Variants in PPP1R3F observed in about 807,000 individuals in gnomAD.
PPP1R3F encodes the protein protein phosphatase 1, regulatory (inhibitor) subunit 3F.
PPP1R3F carries 29 observed loss-of-function variants against 24.2 expected under a neutral mutation model. The observed-to-expected ratio is 1.20, with a 90% confidence interval of 0.89 to 1.63. The LOEUF is 1.63. Among genes scored for constraint, PPP1R3F ranks in the 40% most tolerant of loss-of-function variants. The pLI is 0.00. For missense variants in PPP1R3F, 823 were observed against 729.3 expected (o/e 1.13, Z -1.48); for synonymous variants, 363 against 340.1 (o/e 1.07, Z -0.74).
intron 3 of PPP1R3F, among the ~76,000 whole-genome samples, chrX:49,295,319 T>A (rs1475884082): frequency 9.0e-6 from 1 of 110,504 alleles, no homozygotes; most frequent in Non-Finnish European, 1.9e-5. Flanking sequence ...AATTTTTGTA[T>A]TTTTAGTAGA....
rs1053179627 is a variant in PPP1R3F at position 49,287,355 on chromosome X, T to G, written c.*265T>G. On this transcript the variant is annotated 3_prime_UTR_variant, in exon 4 of 4. Transcript: ENST00000055335. ...GCCTGTATTTATTTTTGTATAATTCTCTGGATGAGGGAGAGTGGTCGTGAG... is the reference window on the plus strand; with the variant it reads ...GCCTGTATTTATTTTTGTATAATTCGCTGGATGAGGGAGAGTGGTCGTGAG... 8.7e-6 allele frequency: 3 copies of G among 346,316 alleles called. No homozygotes were observed. The highest frequency in any genetic ancestry group is 8.0e-5 in the African/African-American group (3 of 37,523). 28.5% of individuals were successfully genotyped at this position (346,316 alleles called of 1,213,427 possible).
At chrX:49,296,283 A>C (rs1304976260) in intron 3 of PPP1R3F, among the ~76,000 whole-genome samples, 1 of 111,820 alleles carries the variant, frequency 8.9e-6, no homozygotes, top group African/African-American at 3.3e-5. Flanking sequence ...CATTTCTTCT[A>C]GATTTTCTAG....
chrX:49,280,588 T>C (rs2066242582), intron 1 of PPP1R3F, among the ~76,000 whole-genome samples: 1 of 93,882 alleles, frequency 1.1e-5, no homozygotes, highest in Non-Finnish European at 2.2e-5. Context: ...TCTTGTCCCC[T>C]AGGCTGGAGT....
At position 49,270,085 on chromosome X, in the gene PPP1R3F, TGGC is replaced by T. The variant is rs781904515; in HGVS notation, c.231_233del (p.Gly78del). On this transcript the variant is annotated inframe_deletion, in exon 1 of 4. Coordinates refer to ENST00000055335, the MANE Select transcript of PPP1R3F (RefSeq NM_033215.5). ...AGATGGCGGCGGCGGCCGGGCAAGA[TGGC>T]GGCGGCGGCGGCGGGGCCGACGAGG... 721 of 993,226 alleles carry T rather than the reference TGGC, an allele frequency of 7.3e-4. No homozygotes were observed. Among genetic ancestry groups the T allele is most frequent in the African/African-American group, 5.4e-3 (269 of 49,380 alleles). 81.9% of individuals were successfully genotyped at this position (993,226 alleles called of 1,213,427 possible). A position where few individuals can be genotyped will look rare whatever the true frequency, so the allele number is the denominator to read the frequency against.
At chrX:49,290,715 C>T (rs2066305995), downstream of PPP1R3F, among the ~76,000 whole-genome samples, 1 of 111,544 alleles carries the variant, frequency 9.0e-6, no homozygotes, top group African/African-American at 3.3e-5. Context: ...GACTAAATTG[C>T]CCAGGGTCAC....
At chrX:49,272,394 C>T (rs1379465216) in intron 1 of PPP1R3F, among the ~76,000 whole-genome samples, 1 of 112,694 alleles carries the variant, frequency 8.9e-6, no homozygotes, top group African/African-American at 3.2e-5. Context: ...CCTTGGCCAA[C>T]GCATTTAACT....
Position 49,270,492 on chromosome X carries a change from C to A in PPP1R3F, c.623C>A (p.Ala208Glu). 1 of 1,205,449 alleles carries A rather than the reference C, an allele frequency of 8.3e-7. No homozygotes were observed. Among genetic ancestry groups the A allele is most frequent in the South Asian group, 1.8e-5 (1 of 56,924 alleles). ...CCGCGCAGCCCGCCGTGGGCAGGAG[C>A]GGGAGGAACAGGAGCAGGAGATCCC... The part of the protein sequence containing the change: ...YVPRSPPWAG[A>E]GGTGAGDPIL... Residue 208 changes from alanine to glutamate, a missense_variant, in exon 1 of 4, where the codon GCG becomes GAG. Coordinates refer to ENST00000055335, the MANE Select transcript of PPP1R3F (RefSeq NM_033215.5).
At chrX:49,281,685 G>A (rs1312195489) in intron 2 of PPP1R3F, among the ~76,000 whole-genome samples, 3 of 108,721 alleles carry the variant, frequency 2.8e-5, no homozygotes, top group East Asian at 2.9e-4. Context: ...AAAAAAAGAC[G>A]GGCATGCTGG....
At chrX:49,281,366 G>C in intron 1 of PPP1R3F, 40 bp from the exon 2 acceptor site, 1 of 1,121,093 alleles carries the variant, frequency 8.9e-7, no homozygotes, top group Non-Finnish European at 1.2e-6. Flanking sequence ...GACCTCTCAG[G>C]GTATTATTAG....
In PPP1R3F at chrX:49,286,370, G is replaced by A; in HGVS notation, c.1680G>A (p.Leu560=). ...AEEITLHYAR[L]GRGVELIKDT... Reference sequence around the variant, plus strand: ...AGATCACGCTGCACTATGCCCGGCTGGGGCGTGGCGTGGAGCTCATCAAGG... The same window carrying A: ...AGATCACGCTGCACTATGCCCGGCTAGGGCGTGGCGTGGAGCTCATCAAGG... The change falls in exon 4 of 4, where the codon CTG becomes CTA. Residue 560 remains leucine, a synonymous_variant. Coordinates refer to ENST00000055335, the MANE Select transcript of PPP1R3F (RefSeq NM_033215.5). 1 of 1,193,317 alleles carries A rather than the reference G, an allele frequency of 8.4e-7. No homozygotes were observed.
chrX:49,293,621 A>G (rs1473743256), intron 3 of PPP1R3F, among the ~76,000 whole-genome samples: 4 of 112,552 alleles, frequency 3.6e-5, no homozygotes, highest in Admixed American at 2.8e-4. Context: ...GAGATGATAT[A>G]TGCTTTTCAT....
downstream of PPP1R3F, among the ~76,000 whole-genome samples, chrX:49,289,741 G>A (rs2039724693): frequency 9.0e-6 from 1 of 111,382 alleles, no homozygotes; most frequent in Admixed American, 9.5e-5. Context: ...CTGGGAGACT[G>A]TTCATGGATG....
intron 3 of PPP1R3F, 117 bp from the exon 4 acceptor site, chrX:49,285,717 C>A: frequency 1.3e-6 from 1 of 776,150 alleles, no homozygotes; most frequent in Non-Finnish European, 1.7e-6. Flanking sequence ...TATATAGAAA[C>A]CCCTGTGGGG....
intron 3 of PPP1R3F, among the ~76,000 whole-genome samples, chrX:49,283,398 G>T (rs971050543): frequency 1.8e-5 from 2 of 110,795 alleles, no homozygotes; most frequent in Non-Finnish European, 3.8e-5. Flanking sequence ...TAGTAGAGAC[G>T]GGATCCGTTG....
chrX:49,294,267 A>ATT (rs1170868838), intron 3 of PPP1R3F, among the ~76,000 whole-genome samples: 1 of 98,391 alleles, frequency 1.0e-5, no homozygotes, highest in African/African-American at 3.7e-5. Context: ...CCATCACTAC[A>ATT]TTTTTTTTTT....
chrX:49,286,253 C>T lies in PPP1R3F; in HGVS notation c.1563C>T (p.Ser521=). The stretch of plus-strand genomic sequence containing the variant: ...AGGGCTCCACAGATGGAGGGATGTC[C>T]CCCAGCCATCCCCTGGGCATACTGA... ...GGEGSTDGGM[S]PSHPLGILTD... The change falls in exon 4 of 4, where the codon TCC becomes TCT. Residue 521 remains serine, a synonymous_variant. Coordinates refer to ENST00000055335, the MANE Select transcript of PPP1R3F (RefSeq NM_033215.5). 1 of 1,209,652 alleles carries T rather than the reference C, an allele frequency of 8.3e-7. No homozygotes were observed. The highest frequency in any genetic ancestry group is 1.1e-6 in the Non-Finnish European group (1 of 894,470).
chrX:49,280,225 G>A (rs1304305727), intron 1 of PPP1R3F, among the ~76,000 whole-genome samples: 1 of 100,643 alleles, frequency 9.9e-6, no homozygotes, highest in Non-Finnish European at 2.1e-5. Context: ...CCATTTCTTA[G>A]AAAAGGTGTT....
chrX:49,293,348 G>C (rs1487964779), intron 3 of PPP1R3F, among the ~76,000 whole-genome samples: 1 of 112,360 alleles, frequency 8.9e-6, no homozygotes, highest in Non-Finnish European at 1.9e-5. Flanking sequence ...GGTAGTGTTC[G>C]ATTTGCTTTT....
downstream of PPP1R3F, among the ~76,000 whole-genome samples, chrX:49,290,177 C>T (rs2066304615): frequency 9.0e-6 from 1 of 111,724 alleles, no homozygotes; most frequent in African/African-American, 3.3e-5. Flanking sequence ...CATGAGTGTC[C>T]GAGACTCCTG....
Sources: allele counts gnomAD v4.1 joint callset (sites outside exome capture counted in the v4.1 genomes callset), GRCh38; gene constraint gnomAD v4.1.1; transcripts MANE v1.5; gene names NCBI Gene and HGNC (gene_info 2026-07-23, HGNC 2026-07-21).